The following MAP2K5 variants were observed in gnomAD, a reference collection of about 807,000 sequenced individuals.
MAP2K5 encodes the protein dual specificity mitogen-activated protein kinase kinase 5.
Under a neutral mutation model 83.1 loss-of-function variants are expected in MAP2K5, and 49 were observed. That is an observed-to-expected ratio of 0.59 (90% CI 0.47 to 0.75). MAP2K5 has a LOEUF of 0.75. MAP2K5 is among the 30% of genes least tolerant of loss of function. The pLI, the probability that MAP2K5 is intolerant of heterozygous loss-of-function variation, is 0.00. For synonymous variants in MAP2K5, 202 were observed against 191.8 expected, an observed-to-expected ratio of 1.05 and a Z score of -0.44; for missense variants, 457 against 557.5, an observed-to-expected ratio of 0.82 and a Z score of 1.82.
intron 19 of MAP2K5, among the ~76,000 whole-genome samples, chr15:67,754,497 T>C (rs1373070629): frequency 2.6e-5 from 4 of 152,222 alleles, no homozygotes; most frequent in Non-Finnish European, 5.9e-5. Context: ...CCGAGATAAA[T>C]CCCTGTGCTG....
intron 17 of MAP2K5, among the ~76,000 whole-genome samples, chr15:67,734,065 TCTTGCTGTG>T (rs2089286029): frequency 1.3e-5 from 2 of 152,234 alleles, no homozygotes; most frequent in African/African-American, 4.8e-5. Context: ...TTCAGCAGAT[TCTTGCTGTG>T]CTGTGACTGC....
rs932435410 is a variant in MAP2K5, at chr15:67,802,197, A to G, written c.1243-4449A>G. Among the ~76,000 whole-genome samples the G allele has an allele frequency of 1.3e-5, 2 of 152,260 alleles. No individual in the cohort carries two copies. The highest frequency in any genetic ancestry group is 1.3e-4 in the Admixed American group (2 of 15,294). ...CCAGGAATTAGGGACGTTAGTACAG[A>G]GGCAAAGAGTCAAACTAGTGACACA... On this transcript the variant is annotated intron_variant, in intron 21 of 21. Coordinates refer to ENST00000178640, the MANE Select transcript of MAP2K5 (RefSeq NM_145160.3). The surrounding 1 kb of genome is among the most constrained non-coding windows in gnomAD (Gnocchi z 5.0).
intron 19 of MAP2K5, among the ~76,000 whole-genome samples, chr15:67,763,862 G>A (rs1015392640): frequency 6.6e-6 from 1 of 152,222 alleles, no homozygotes; most frequent in African/African-American, 2.4e-5. Context: ...AGGATAGAAT[G>A]CAGTGATCCA....
chr15:67,658,010 T>C (rs973765251), intron 11 of MAP2K5, among the ~76,000 whole-genome samples: 1 of 152,022 alleles, frequency 6.6e-6, no homozygotes, highest in Non-Finnish European at 1.5e-5. Flanking sequence ...TGGAATACAA[T>C]TTTTTTATAG....
rs983717063 is a variant in MAP2K5, at chr15:67,785,439, G to A, written c.1242+12687G>A. 2.0e-5 allele frequency among the ~76,000 whole-genome samples: 3 copies of A among 152,160 alleles called. No homozygotes were observed. Among genetic ancestry groups the A allele is most frequent in the Non-Finnish European group, 4.4e-5 (3 of 68,018 alleles). ...GCCAGCAGCAAGCAGTTCACAGGACGACTACTTGAGTGGCACAGCTGTAGG... is the reference window on the plus strand; with the variant it reads ...GCCAGCAGCAAGCAGTTCACAGGACAACTACTTGAGTGGCACAGCTGTAGG... On this transcript the variant is annotated intron_variant, in intron 21 of 21. Coordinates refer to ENST00000178640, the MANE Select transcript of MAP2K5 (RefSeq NM_145160.3). This position sits in a 1 kb window ranked among gnomAD's most constrained non-coding sequence, Gnocchi z 4.4.
intron 8 of MAP2K5, among the ~76,000 whole-genome samples, chr15:67,603,885 C>A (rs2085721193): frequency 6.6e-6 from 1 of 152,128 alleles, no homozygotes; most frequent in Non-Finnish European, 1.5e-5. Flanking sequence ...ATTGGAAAAT[C>A]CACTCATTGG....
intron 8 of MAP2K5, among the ~76,000 whole-genome samples, chr15:67,605,611 G>A (rs578202988): frequency 6.6e-5 from 10 of 152,182 alleles, no homozygotes; most frequent in Non-Finnish European, 1.2e-4. Flanking sequence ...TGAAAAAACT[G>A]GGGCTTATCA....
At position 67,555,938 on chromosome 15, in the gene MAP2K5, C is replaced by A. The variant is rs2084614193; in HGVS notation, c.184+5856C>A. ...AGCTAGGACTACAGGCATGCGCCACCACACCCGGCTAATTTTTTTGTATTT... is the reference window on the plus strand; with the variant it reads ...AGCTAGGACTACAGGCATGCGCCACAACACCCGGCTAATTTTTTTGTATTT... On this transcript the variant is annotated intron_variant, in intron 2 of 21. Transcript: ENST00000178640. This position sits in a 1 kb window ranked among gnomAD's most constrained non-coding sequence, Gnocchi z 5.2. Among the ~76,000 whole-genome samples, 1 of 152,054 alleles carries A rather than the reference C, an allele frequency of 6.6e-6. No individual in the cohort carries two copies. The highest frequency in any genetic ancestry group is 1.5e-5 in the Non-Finnish European group (1 of 68,008).
rs2088779357 is a variant in MAP2K5, at chr15:67,714,413, GGAAAAAAAAAAAAAAAAAAAAA to G, written c.1044+11006_1044+11027del. Among the ~76,000 whole-genome samples, 123 of 42,682 alleles carry G rather than the reference GGAAAAAAAAAAAAAAAAAAAAA, an allele frequency of 2.9e-3. 3 individuals are homozygous for G. The highest frequency in any genetic ancestry group is 6.8e-3 in the African/African-American group (86 of 12,740). The allele number at this position is 42,682 out of a possible 152,430, so 28.0% of individuals were successfully genotyped here. Reference sequence around the variant, plus strand: ...CCCCCCACCCCTACCCAGCTGCCAGGGAAAAAAAAAAAAAAAAAAAAAAAAAAAAAAAAAAAAAAAAACCACC... The same window carrying G: ...CCCCCCACCCCTACCCAGCTGCCAGGAAAAAAAAAAAAAAAAAAAACCACC... On this transcript the variant is annotated intron_variant, in intron 16 of 21. Transcript: ENST00000178640.
Position 67,561,925 on chromosome 15 carries a change from C to T in MAP2K5, c.185-1358C>T, listed in dbSNP as rs2084745216. 6.6e-6 allele frequency among the ~76,000 whole-genome samples: 1 copy of T among 152,140 alleles called. No individual in the cohort carries two copies. Among genetic ancestry groups the T allele is most frequent in the Non-Finnish European group, 1.5e-5 (1 of 68,032 alleles). ...GAAGATCCCTGTGTTGAACTGAACTCCCTCTGTACTTTCAGTAAGCATCCC... is the reference window on the plus strand; with the variant it reads ...GAAGATCCCTGTGTTGAACTGAACTTCCTCTGTACTTTCAGTAAGCATCCC... On this transcript the variant is annotated intron_variant, in intron 2 of 21. Coordinates refer to ENST00000178640, the MANE Select transcript of MAP2K5 (RefSeq NM_145160.3). The surrounding 1 kb of genome is among the most constrained non-coding windows in gnomAD (Gnocchi z 4.2).
At chr15:67,681,961 C>G (rs1042636716) in intron 13 of MAP2K5, among the ~76,000 whole-genome samples, 1 of 152,172 alleles carries the variant, frequency 6.6e-6, no homozygotes, top group Non-Finnish European at 1.5e-5. Context: ...TATAATCAAT[C>G]ACTTTAATGA....
intron 13 of MAP2K5, among the ~76,000 whole-genome samples, chr15:67,674,039 G>A (rs796415356): frequency 6.6e-6 from 1 of 152,058 alleles, no homozygotes; most frequent in South Asian, 2.1e-4. Context: ...AGTAGAGACA[G>A]GGTTTCACCA....
intron 2 of MAP2K5, among the ~76,000 whole-genome samples, chr15:67,560,132 A>G (rs183332768): frequency 6.6e-6 from 1 of 152,318 alleles, no homozygotes; most frequent in African/African-American, 2.4e-5. Context: ...CTTAGTATGT[A>G]TTTCTGCTTT....
chr15:67,583,205 T>G (rs2085218924), intron 4 of MAP2K5, among the ~76,000 whole-genome samples: 1 of 152,212 alleles, frequency 6.6e-6, no homozygotes, highest in African/African-American at 2.4e-5. Context: ...AGTAAGAATT[T>G]CATTTAAATT....
At chr15:67,732,799 G>A (rs776842985) in intron 17 of MAP2K5, among the ~76,000 whole-genome samples, 3 of 152,070 alleles carry the variant, frequency 2.0e-5, no homozygotes, top group African/African-American at 7.2e-5. Flanking sequence ...TCGTACTTCC[G>A]GAGGCCAAAA....
intron 13 of MAP2K5, among the ~76,000 whole-genome samples, chr15:67,689,416 G>A (rs2141197163): frequency 1.3e-5 from 2 of 152,304 alleles, no homozygotes; most frequent in African/African-American, 4.8e-5. Context: ...AAATATGGAG[G>A]AAAGGTTTCT....
rs188624750 is a variant in MAP2K5 at position 67,624,277 on chromosome 15, G to T, written c.546-6611G>T. Among the ~76,000 whole-genome samples, 252 of 146,440 alleles carry T rather than the reference G, an allele frequency of 1.7e-3. 9 individuals are homozygous for T. The East Asian group carries it at 0.046, about 27-fold the overall frequency. On this transcript the variant is annotated intron_variant, in intron 8 of 21. Transcript: ENST00000178640. ...TGGTGTGAACCCGGGAAGCGGAGCTGGCAGTGAGCCGAGATCGCGCTGCTG... is the reference window on the plus strand; with the variant it reads ...TGGTGTGAACCCGGGAAGCGGAGCTTGCAGTGAGCCGAGATCGCGCTGCTG...
At position 67,552,559 on chromosome 15, in the gene MAP2K5, C is replaced by T. The variant is rs79790429; in HGVS notation, c.184+2477C>T. Reference sequence around the variant, plus strand: ...AAGTGATCTTCCTGCCTCAGCCTCCCGAGTAGCTGGGACTACAGGCACCCA... The same window carrying T: ...AAGTGATCTTCCTGCCTCAGCCTCCTGAGTAGCTGGGACTACAGGCACCCA... On this transcript the variant is annotated intron_variant, in intron 2 of 21. Coordinates refer to ENST00000178640, the MANE Select transcript of MAP2K5 (RefSeq NM_145160.3). The surrounding 1 kb of genome is among the most constrained non-coding windows in gnomAD (Gnocchi z 4.2). Among the ~76,000 whole-genome samples, 23,905 of 151,968 alleles carry T rather than the reference C, an allele frequency of 0.16. 2,550 individuals carry two copies. Among genetic ancestry groups the T allele is most frequent in the African/African-American group, 0.29 (12,211 of 41,402 alleles).
At chr15:67,628,349 AGG>A in intron 8 of MAP2K5, 1 of 523,026 alleles carries the variant, frequency 1.9e-6, no homozygotes, top group Non-Finnish European at 3.4e-6. Flanking sequence ...TCGTGGTGGC[AGG>A]CACCTGTAAT....
Sources: allele counts gnomAD v4.1 joint callset (sites outside exome capture counted in the v4.1 genomes callset), GRCh38; gene constraint gnomAD v4.1.1; non-coding constraint Gnocchi (gnomAD v3.1); transcripts MANE v1.5; gene names NCBI Gene and HGNC (gene_info 2026-07-23, HGNC 2026-07-21).